The following TTC7B variants were observed in gnomAD, a reference collection of about 807,000 sequenced individuals.
The protein encoded by TTC7B is tetratricopeptide repeat domain 7B, also known as tetratricopeptide repeat protein 7B.
TTC7B carries 28 observed loss-of-function variants against 106.8 expected under a neutral mutation model. The ratio of observed to expected loss-of-function variants is 0.26; its 90% CI spans 0.19 to 0.36. The LOEUF is 0.36. Among genes scored for constraint, TTC7B ranks in the 10% least tolerant of loss-of-function variants. TTC7B has a pLI of 1.00. For missense variants in TTC7B, 862 were observed against 1,076.4 expected (o/e 0.80, Z 2.79); for synonymous variants, 405 against 430.6 (o/e 0.94, Z 0.74).
intron 1 of TTC7B, among the ~76,000 whole-genome samples, chr14:90,801,803 C>T (rs1297970703): frequency 6.6e-6 from 1 of 151,788 alleles, no homozygotes; most frequent in African/African-American, 2.4e-5. Context: ...CGCCTGTAAT[C>T]CCAGCACTTT....
Position 90,553,513 on chromosome 14 carries a change from C to T in TTC7B, c.2311-11924G>A, listed in dbSNP as rs369422814. 1.8e-4 allele frequency among the ~76,000 whole-genome samples: 27 copies of T among 152,274 alleles called. 1 individual carries two copies. The highest frequency in any genetic ancestry group is 1.2e-3 in the East Asian group (6 of 5,176). On this transcript the variant is annotated intron_variant, in intron 19 of 19. Coordinates refer to ENST00000328459, the MANE Select transcript of TTC7B (RefSeq NM_001010854.2). The stretch of plus-strand genomic sequence containing the variant: ...AGGGACCAGGAGCTTGTGATTTCCC[C>T]GGGCAGCCCACACCATGAGAGGACA...
At chr14:90,730,284 TA>T (rs1889276245) in intron 4 of TTC7B, 88 bp from the exon 5 acceptor site, 1 of 1,469,908 alleles carries the variant, frequency 6.8e-7, no homozygotes, top group Non-Finnish European at 9.0e-7. Context: ...CTGCTCGACC[TA>T]AAAAACCAAC....
At chr14:90,682,650 C>A (rs1887099831) in intron 7 of TTC7B, among the ~76,000 whole-genome samples, 1 of 152,156 alleles carries the variant, frequency 6.6e-6, no homozygotes. Context: ...GTACCCAGGC[C>A]TCAGCCTTGA....
rs140433607 is a variant in TTC7B at position 90,663,547 on chromosome 14, C to T, written c.1153-5160G>A. 2.7e-4 allele frequency among the ~76,000 whole-genome samples: 41 copies of T among 152,264 alleles called. No homozygotes were observed. The highest frequency in any genetic ancestry group is 9.1e-4 in the African/African-American group (38 of 41,550). On this transcript the variant is annotated intron_variant, in intron 9 of 19. Transcript: ENST00000328459. The surrounding 1 kb of genome is among the most constrained non-coding windows in gnomAD (Gnocchi z 4.5). Reference sequence around the variant, plus strand: ...GTGTCAATCAACTTTACTGATCCCACGATATCCACCAGCACCACGGCAGCC... The same window carrying T: ...GTGTCAATCAACTTTACTGATCCCATGATATCCACCAGCACCACGGCAGCC...
At chr14:90,594,804 T>C (rs1035761683) in intron 17 of TTC7B, among the ~76,000 whole-genome samples, 6 of 152,240 alleles carry the variant, frequency 3.9e-5, no homozygotes, top group Admixed American at 6.5e-5. Flanking sequence ...GTACCCATCA[T>C]CTATAAATTT....
intron 1 of TTC7B, among the ~76,000 whole-genome samples, chr14:90,789,480 T>TA (rs1325626129): frequency 6.6e-6 from 1 of 152,032 alleles, no homozygotes; most frequent in East Asian, 1.9e-4. Flanking sequence ...CTCAACACTT[T>TA]AGGAGGCCTA....
chr14:90,615,457 T>C (rs528009767), intron 16 of TTC7B, among the ~76,000 whole-genome samples: 22 of 152,328 alleles, frequency 1.4e-4, no homozygotes, highest in African/African-American at 5.1e-4. Context: ...AGAAGCCAAA[T>C]GCTGTCTGCC....
At chr14:90,764,912 T>C (rs35971515) in intron 3 of TTC7B, among the ~76,000 whole-genome samples, 36,136 of 152,130 alleles carry the variant, frequency 0.24, 5,159 homozygotes, top group East Asian at 0.38. Context: ...AGAGTTACCA[T>C]GTAATCCAAT....
intron 3 of TTC7B, among the ~76,000 whole-genome samples, chr14:90,746,258 C>T (rs1054841850): frequency 5.3e-5 from 8 of 151,946 alleles, no homozygotes; most frequent in South Asian, 2.1e-4. Flanking sequence ...TCTATTTCTT[C>T]GATATAGGGT....
Position 90,657,316 on chromosome 14 carries a change from G to A in TTC7B, c.1237-38C>T, listed in dbSNP as rs771045389. 3 of 1,600,464 alleles carry A rather than the reference G, an allele frequency of 1.9e-6. No homozygotes were observed. The South Asian group carries it at 3.3e-5, about 18-fold the overall frequency. On this transcript the variant is annotated intron_variant, in intron 10 of 19. Coordinates refer to ENST00000328459, the MANE Select transcript of TTC7B (RefSeq NM_001010854.2). The surrounding 1 kb of genome is among the most constrained non-coding windows in gnomAD (Gnocchi z 4.2). ...AGATTATTTCCGTGAAACTCAAAGT[G>A]TTTGACAGAACCGAATACTACAGCC...
In TTC7B at chr14:90,596,829, T is replaced by C. The variant is rs527363438; in HGVS notation, c.1967-3203A>G. Among the ~76,000 whole-genome samples the C allele has an allele frequency of 3.3e-5, 5 of 152,210 alleles. No individual in the cohort carries two copies. In the South Asian group the frequency reaches 1.0e-3, roughly 32 times the overall value. The stretch of plus-strand genomic sequence containing the variant: ...CCATACTAAGTATTAGGTAAATGAG[T>C]GTGCAGGGAATGAACGAGTGCTGTC... On this transcript the variant is annotated intron_variant, in intron 17 of 19. Transcript: ENST00000328459.
chr14:90,778,921 G>A (rs1007986395), intron 3 of TTC7B, among the ~76,000 whole-genome samples: 22 of 152,198 alleles, frequency 1.4e-4, no homozygotes, highest in African/African-American at 5.1e-4. Flanking sequence ...AGTGTGCCCC[G>A]GGCTGGGTCT....
chr14:90,777,305 G>A (rs540210715), intron 3 of TTC7B, among the ~76,000 whole-genome samples: 8 of 152,166 alleles, frequency 5.3e-5, no homozygotes, highest in East Asian at 3.9e-4. Context: ...CACCTGGCAC[G>A]CAGGAATCTC....
intron 18 of TTC7B, among the ~76,000 whole-genome samples, chr14:90,592,156 G>C (rs1195179561): frequency 6.6e-6 from 1 of 152,178 alleles, no homozygotes; most frequent in East Asian, 1.9e-4. Flanking sequence ...AAACAGGGTG[G>C]AATATCATAC....
intron 1 of TTC7B, among the ~76,000 whole-genome samples, chr14:90,798,453 G>C (rs1169598465): frequency 6.6e-6 from 1 of 152,090 alleles, no homozygotes; most frequent in Non-Finnish European, 1.5e-5. Context: ...AAAACAATAG[G>C]CCGGACTAGG....
At chr14:90,606,941 A>T (rs1409434429) in intron 17 of TTC7B, among the ~76,000 whole-genome samples, 2 of 152,154 alleles carry the variant, frequency 1.3e-5, no homozygotes, top group African/African-American at 4.8e-5. Flanking sequence ...TAATAATAGT[A>T]TTGTAGTTAT....
At chr14:90,665,251 C>CT (rs1470213594) in intron 9 of TTC7B, among the ~76,000 whole-genome samples, 7 of 152,206 alleles carry the variant, frequency 4.6e-5, no homozygotes, top group African/African-American at 1.7e-4. Context: ...TGCCACCTCT[C>CT]TAATCCCAGA....
chr14:90,594,947 C>T (rs1049044105), intron 17 of TTC7B, among the ~76,000 whole-genome samples: 3 of 152,098 alleles, frequency 2.0e-5, no homozygotes, highest in African/African-American at 4.8e-5. Flanking sequence ...CAGAGTGGGC[C>T]GACAGTGCCC....
chr14:90,803,882 T>C (rs1201269146), intron 1 of TTC7B, among the ~76,000 whole-genome samples: 2 of 151,758 alleles, frequency 1.3e-5, no homozygotes, highest in East Asian at 3.9e-4. Flanking sequence ...TGAAAGTCAC[T>C]AGCGTAGAGC....
Sources: allele counts gnomAD v4.1 joint callset (sites outside exome capture counted in the v4.1 genomes callset), GRCh38; gene constraint gnomAD v4.1.1; non-coding constraint Gnocchi (gnomAD v3.1); transcripts MANE v1.5; gene names NCBI Gene and HGNC (gene_info 2026-07-23, HGNC 2026-07-21).